The following TIPARP variants were observed in gnomAD, a reference collection of about 807,000 sequenced individuals.
TIPARP encodes the protein TCDD inducible poly(ADP-ribose) polymerase.
Under a neutral mutation model 56.5 loss-of-function variants are expected in TIPARP, and 12 were observed. That is an observed-to-expected ratio of 0.21 (90% CI 0.14 to 0.34). The LOEUF (loss-of-function observed/expected upper bound fraction) is 0.34, where lower values mean the gene tolerates loss of function less well. Ranked by LOEUF, TIPARP falls within the 10% of genes least tolerant of loss-of-function variation. TIPARP has a pLI of 1.00. For missense variants in TIPARP, 604 were observed against 781.6 expected, an observed-to-expected ratio of 0.77 and a Z score of 2.71; for synonymous variants, 296 against 265.7, an observed-to-expected ratio of 1.11 and a Z score of -1.11.
At chr3:156,685,510 G>A (rs73873709) in intron 2 of TIPARP, among the ~76,000 whole-genome samples, 5,836 of 152,310 alleles carry the variant, frequency 0.038, 382 homozygotes, top group African/African-American at 0.13. Flanking sequence ...CTGAGGAAGA[G>A]TTCAGTAAAT....
chr3:156,694,314 T>C, intron 3 of TIPARP, 126 bp downstream of exon 3: 9 of 772,514 alleles, frequency 1.2e-5, no homozygotes, highest in Non-Finnish European at 1.7e-5. Flanking sequence ...AGCTTATGAA[T>C]ATAAAATTGA....
intron 1 of TIPARP, among the ~76,000 whole-genome samples, chr3:156,675,950 A>T (rs1178399406): frequency 6.6e-6 from 1 of 152,054 alleles, no homozygotes; most frequent in East Asian, 1.9e-4. Context: ...TCCGAGTTTG[A>T]TGAAAGGGCA....
At position 156,678,290 on chromosome 3, in the gene TIPARP, A is replaced by G. The variant is rs746154012; in HGVS notation, c.593A>G (p.Tyr198Cys). 5.0e-6 allele frequency: 8 copies of G among 1,614,096 alleles called. No homozygotes were observed. Among genetic ancestry groups the G allele is most frequent in the Non-Finnish European group, 6.8e-6 (8 of 1,180,052 alleles). Residue 198 changes from tyrosine to cysteine, a missense_variant, in exon 2 of 6, where the codon TAC (tyrosine) becomes TGC (cysteine). Transcript: ENST00000295924. ...CAAGAAAACAGTTTTACAATCCAATACATTCTGGACACCAGTGATAAGCTG... is the reference window on the plus strand; with the variant it reads ...CAAGAAAACAGTTTTACAATCCAATGCATTCTGGACACCAGTGATAAGCTG... ...IFQENSFTIQ[Y>C]ILDTSDKLST... is the part of the protein sequence containing the mutation.
intron 2 of TIPARP, among the ~76,000 whole-genome samples, chr3:156,691,640 A>G (rs1191873293): frequency 1.3e-5 from 2 of 152,188 alleles, no homozygotes; most frequent in African/African-American, 4.8e-5. Context: ...GCACACATTT[A>G]TGCTGATGCA....
At chr3:156,696,501 T>G (rs941300396) in intron 4 of TIPARP, among the ~76,000 whole-genome samples, 1 of 152,226 alleles carries the variant, frequency 6.6e-6, no homozygotes, top group Non-Finnish European at 1.5e-5. Flanking sequence ...TACATTCTCA[T>G]TTGCTAGGTA....
Position 156,703,677 on chromosome 3 carries a change from C to A in TIPARP, c.1501C>A (p.Gln501Lys). 1 of 1,612,450 alleles carries A rather than the reference C, an allele frequency of 6.2e-7. No individual in the cohort carries two copies. Among genetic ancestry groups the A allele is most frequent in the Non-Finnish European group, 8.5e-7 (1 of 1,179,730 alleles). Residue 501 changes from glutamine (Q) to lysine (K), a missense_variant, in exon 5 of 6, where the codon CAG becomes AAG. By Grantham distance (53) the Gln-to-Lys change is moderately conservative. This residue lies in a region of TIPARP where 252 missense variants were observed against 303.9 expected (regional missense o/e 0.83). Transcript: ENST00000295924. ...RILQILRVQN[Q>K]FLWEKYKRKK... ...TTTGCAGATATTGAGAGTCCAAAAC[C>A]AGTTTCTTTGGGAGAAATATAAAAG...
intron 2 of TIPARP, among the ~76,000 whole-genome samples, chr3:156,692,665 T>C (rs1722605472): frequency 6.6e-6 from 1 of 152,168 alleles, no homozygotes; most frequent in Non-Finnish European, 1.5e-5. Context: ...TGGTTGTTTT[T>C]TCAGTGTAGA....
chr3:156,694,354 T>C (rs1424679732), intron 3 of TIPARP, among the ~76,000 whole-genome samples, 166 bp downstream of exon 3: 1 of 152,228 alleles, frequency 6.6e-6, no homozygotes, highest in Non-Finnish European at 1.5e-5. Flanking sequence ...ACTTTTCTCT[T>C]TTTCTTAAAA....
At chr3:156,683,716 C>T (rs1722360413) in intron 2 of TIPARP, among the ~76,000 whole-genome samples, 1 of 152,082 alleles carries the variant, frequency 6.6e-6, no homozygotes, top group Non-Finnish European at 1.5e-5. Flanking sequence ...TTCATAAGTT[C>T]TTCTGTGTAT....
chr3:156,681,234 G>T (rs906833303), intron 2 of TIPARP: 9 of 456,424 alleles, frequency 2.0e-5, no homozygotes, highest in African/African-American at 1.8e-4. Context: ...ATTAATCTCT[G>T]TGGTCAGGCC....
chr3:156,683,098 T>C (rs967410921), intron 2 of TIPARP, among the ~76,000 whole-genome samples: 1 of 152,200 alleles, frequency 6.6e-6, no homozygotes, highest in Non-Finnish European at 1.5e-5. Context: ...AGCTGCCACC[T>C]GGCTTCAGGT....
intron 2 of TIPARP, among the ~76,000 whole-genome samples, chr3:156,692,454 A>G (rs1201113820): frequency 6.6e-6 from 1 of 152,084 alleles, no homozygotes; most frequent in Admixed American, 6.6e-5. Flanking sequence ...AACAGTGGCC[A>G]AATATTATTT....
intron 4 of TIPARP, among the ~76,000 whole-genome samples, chr3:156,698,952 C>G (rs1292911247): frequency 1.3e-5 from 2 of 152,114 alleles, no homozygotes; most frequent in African/African-American, 4.8e-5. Flanking sequence ...TTATTTCAGC[C>G]CACATGGATG....
At chr3:156,702,771 A>G (rs1362687415) in intron 4 of TIPARP, among the ~76,000 whole-genome samples, 2 of 152,242 alleles carry the variant, frequency 1.3e-5, no homozygotes, top group African/African-American at 4.8e-5. Context: ...TTAAAGGCTC[A>G]CGGATATGCA....
chr3:156,679,796 G>A (rs137956789), intron 2 of TIPARP, among the ~76,000 whole-genome samples: 289 of 152,258 alleles, frequency 1.9e-3, no homozygotes, highest in African/African-American at 6.6e-3. Context: ...CTACCTATGT[G>A]TCTAGAGAGT....
At chr3:156,690,313 G>A (rs1477313507) in intron 2 of TIPARP, among the ~76,000 whole-genome samples, 1 of 151,860 alleles carries the variant, frequency 6.6e-6, no homozygotes, top group Admixed American at 6.6e-5. Flanking sequence ...TTCTTTTCAG[G>A]ATCTTAAATA....
chr3:156,705,292 A>G lies in TIPARP; in HGVS notation c.*161A>G. On this transcript the variant is annotated 3_prime_UTR_variant, in exon 6 of 6. Coordinates refer to ENST00000295924, the MANE Select transcript of TIPARP (RefSeq NM_015508.5). The stretch of plus-strand genomic sequence containing the variant: ...AGAAAATGCTTTTTTTAAAAAAAAA[A>G]TACAAGTTTTAAAATGACCACTTAC... 2 of 583,956 alleles carry G rather than the reference A, an allele frequency of 3.4e-6. No individual in the cohort carries two copies. The highest frequency in any genetic ancestry group is 7.0e-5 in the Admixed American group (2 of 28,594). 36.2% of individuals were successfully genotyped at this position (583,956 alleles called of 1,614,324 possible). A position where few individuals can be genotyped will look rare whatever the true frequency, so the allele number is the denominator to read the frequency against.
In TIPARP at chr3:156,700,217, C is replaced by T. The variant is rs143995643; in HGVS notation, c.1248-3207C>T. ...CGCACTCCTGGGTTCAAGTGATCCT[C>T]CTGCTTTAGCCTCCCAAGTAGCTGG... On this transcript the variant is annotated intron_variant, in intron 4 of 5. Transcript: ENST00000295924. 9.3e-3 allele frequency among the ~76,000 whole-genome samples: 1,419 copies of T among 152,144 alleles called. 14 individuals are homozygous for T. The highest frequency in any genetic ancestry group is 0.016 in the Non-Finnish European group (1,071 of 68,008).
Position 156,678,411 on chromosome 3 carries a change from C to T in TIPARP, c.714C>T (p.Asn238=), listed in dbSNP as rs764150149. The T allele has an allele frequency of 1.2e-5, 19 of 1,614,046 alleles. No individual in the cohort carries two copies. The highest frequency in any genetic ancestry group is 8.0e-5 in the African/African-American group (6 of 74,912). ...NQLQYHTHQE[N]GIEICMDFLQ... ...TGCAGTACCACACTCACCAAGAGAA[C>T]GGAATTGAAATTTGCATGGACTTTC... The change falls in exon 2 of 6, where the codon AAC becomes AAT. Residue 238 remains asparagine (N), a synonymous_variant. Coordinates refer to ENST00000295924, the MANE Select transcript of TIPARP (RefSeq NM_015508.5).
Sources: allele counts gnomAD v4.1 joint callset (sites outside exome capture counted in the v4.1 genomes callset), GRCh38; gene constraint gnomAD v4.1.1; regional missense constraint gnomAD v4.1.1; transcripts MANE v1.5; gene names NCBI Gene and HGNC (gene_info 2026-07-23, HGNC 2026-07-21).